The following SLMAP variants were observed in gnomAD, a reference collection of about 807,000 sequenced individuals.
The protein encoded by SLMAP is sarcolemmal membrane-associated protein.
SLMAP carries 44 observed loss-of-function variants against 128.8 expected under a neutral mutation model. That is an observed-to-expected ratio of 0.34 (90% confidence interval 0.27 to 0.44). The LOEUF (loss-of-function observed/expected upper bound fraction) is 0.44, where lower values mean the gene tolerates loss of function less well. SLMAP is among the 20% of genes least tolerant of loss of function. The pLI, the probability that SLMAP is intolerant of heterozygous loss-of-function variation, is 1.00. For missense variants in SLMAP, 787 were observed against 985.3 expected, an observed-to-expected ratio of 0.80 and a Z score of 2.69; for synonymous variants, 327 against 348.8, an observed-to-expected ratio of 0.94 and a Z score of 0.70.
chr3:57,812,255 G>A (rs1287303283), intron 2 of SLMAP, among the ~76,000 whole-genome samples: 3 of 152,136 alleles, frequency 2.0e-5, no homozygotes, highest in Non-Finnish European at 4.4e-5. Context: ...TGTATATAGT[G>A]TTACGTTAGG....
chr3:57,804,716 G>A (rs995694182), intron 2 of SLMAP, among the ~76,000 whole-genome samples: 2 of 152,104 alleles, frequency 1.3e-5, no homozygotes, highest in African/African-American at 4.8e-5. Flanking sequence ...CTACTTTCCA[G>A]CCTGGGCAAC....
intron 4 of SLMAP, among the ~76,000 whole-genome samples, chr3:57,843,482 C>A (rs1443000538): frequency 1.3e-5 from 2 of 150,388 alleles, no homozygotes; most frequent in Non-Finnish European, 1.5e-5. Context: ...ATTTTTTGTA[C>A]TTTTAGTAGA....
chr3:57,790,780 A>T (rs2085293482), intron 2 of SLMAP, among the ~76,000 whole-genome samples: 1 of 152,214 alleles, frequency 6.6e-6, no homozygotes, highest in African/African-American at 2.4e-5. Context: ...GTAGCTAGAA[A>T]TTAAGTCGTT....
At chr3:57,762,748 C>T (rs2078943894) in intron 2 of SLMAP, among the ~76,000 whole-genome samples, 1 of 126,448 alleles carries the variant, frequency 7.9e-6, no homozygotes, top group Non-Finnish European at 1.6e-5. Context: ...CGGAGTCTTG[C>T]CCTGTCTCCC....
chr3:57,877,219 A>G (rs1473207126), intron 14 of SLMAP, among the ~76,000 whole-genome samples: 1 of 152,124 alleles, frequency 6.6e-6, no homozygotes, highest in African/African-American at 2.4e-5. Context: ...AATTATAGTC[A>G]CTATCTGTAT....
chr3:57,773,127 G>A (rs914367452), intron 2 of SLMAP, among the ~76,000 whole-genome samples: 6 of 152,198 alleles, frequency 3.9e-5, no homozygotes, highest in Non-Finnish European at 7.3e-5. Context: ...TCCAGTAATA[G>A]CCAGTGGGTT....
chr3:57,907,169 T>G (rs757820621), intron 17 of SLMAP, among the ~76,000 whole-genome samples: 1 of 151,996 alleles, frequency 6.6e-6, no homozygotes, highest in Non-Finnish European at 1.5e-5. Flanking sequence ...CTGGGACTAC[T>G]GGCACCTGCC....
At chr3:57,907,663 A>G (rs2096601889) in intron 17 of SLMAP, among the ~76,000 whole-genome samples, 1 of 152,196 alleles carries the variant, frequency 6.6e-6, no homozygotes, top group Non-Finnish European at 1.5e-5. Context: ...ATGTTAATAT[A>G]TTTTTATAAT....
intron 2 of SLMAP, among the ~76,000 whole-genome samples, chr3:57,799,145 T>C (rs2087531575): frequency 6.6e-6 from 1 of 152,226 alleles, no homozygotes; most frequent in Non-Finnish European, 1.5e-5. Flanking sequence ...GGTAGGAGTT[T>C]GCCACAGTTA....
intron 2 of SLMAP, among the ~76,000 whole-genome samples, chr3:57,809,847 A>C (rs2090616661): frequency 6.6e-6 from 1 of 152,098 alleles, no homozygotes; most frequent in African/African-American, 2.4e-5. Flanking sequence ...TCACTCAGTA[A>C]AGCTCCTCTT....
chr3:57,917,215 G>A, intron 22 of SLMAP, 138 bp downstream of exon 22: 1 of 1,524,096 alleles, frequency 6.6e-7, no homozygotes, highest in Admixed American at 2.0e-5. Context: ...GAACATCTCT[G>A]CTTGGTGATT....
rs149493923 is a variant in SLMAP, at chr3:57,912,601, G to C, written c.1920G>C (p.Ala640=). 1 of 1,614,136 alleles carries C rather than the reference G, an allele frequency of 6.2e-7. No individual in the cohort carries two copies. The highest frequency in any genetic ancestry group is 1.1e-5 in the South Asian group (1 of 91,086). The change falls in exon 20 of 25, where the codon GCG becomes GCC. Residue 640 remains alanine, a synonymous_variant. Coordinates refer to ENST00000671191, the MANE Select transcript of SLMAP (RefSeq NM_001377540.1). ...RAELERWRKA[A]SEYEKEITSL... is the part of the protein sequence containing the mutation. ...AGCTTGAGCGGTGGCGGAAAGCAGCGTCTGAATATGAGAAAGAAATCACAA... is the reference window on the plus strand; with the variant it reads ...AGCTTGAGCGGTGGCGGAAAGCAGCCTCTGAATATGAGAAAGAAATCACAA...
chr3:57,871,248 G>A (rs1013631385), intron 13 of SLMAP, among the ~76,000 whole-genome samples: 3 of 152,140 alleles, frequency 2.0e-5, no homozygotes, highest in Admixed American at 2.0e-4. Context: ...TAACTAAGAT[G>A]AATAGCTTTG....
At chr3:57,877,833 T>TTTC (rs1560376659) in intron 14 of SLMAP, among the ~76,000 whole-genome samples, 2 of 129,246 alleles carry the variant, frequency 1.5e-5, no homozygotes, top group Non-Finnish European at 3.2e-5. Flanking sequence ...TTTTCCTTCT[T>TTTC]TTTTTTTTTT....
At chr3:57,823,954 A>G (rs2092732433) in intron 2 of SLMAP, among the ~76,000 whole-genome samples, 1 of 152,084 alleles carries the variant, frequency 6.6e-6, no homozygotes, top group Admixed American at 6.6e-5. Context: ...TTTGATTTGC[A>G]TTTCTCTGAT....
At chr3:57,862,656 A>AAAT (rs2095138214) in intron 10 of SLMAP, among the ~76,000 whole-genome samples, 1 of 151,900 alleles carries the variant, frequency 6.6e-6, no homozygotes, top group Non-Finnish European at 1.5e-5. Flanking sequence ...AAAAAAAAAA[A>AAAT]AAAATTCAGT....
At chr3:57,802,944 A>G (rs1560042116) in intron 2 of SLMAP, among the ~76,000 whole-genome samples, 1 of 152,246 alleles carries the variant, frequency 6.6e-6, no homozygotes, top group Non-Finnish European at 1.5e-5. Context: ...AAAATGGATG[A>G]TAGCACTATA....
chr3:57,859,761 ATACAC>A (rs2094961858), intron 8 of SLMAP, among the ~76,000 whole-genome samples: 1 of 152,198 alleles, frequency 6.6e-6, no homozygotes, highest in Non-Finnish European at 1.5e-5. Flanking sequence ...TGAATACAAT[ATACAC>A]TACTCAGGTA....
intron 2 of SLMAP, among the ~76,000 whole-genome samples, chr3:57,758,690 T>C (rs972211271): frequency 6.6e-6 from 1 of 152,230 alleles, no homozygotes; most frequent in Non-Finnish European, 1.5e-5. Context: ...TATTTTTATG[T>C]TAGTATCGTA....
Sources: gnomAD v4.1 joint callset for allele counts (sites outside exome capture counted in the v4.1 genomes callset) on GRCh38, gnomAD v4.1.1 for gene constraint, MANE v1.5 for transcripts, NCBI Gene and HGNC (gene_info 2026-07-23, HGNC 2026-07-21) for gene names.